GRID1: variants seen among roughly 807,000 people sequenced by gnomAD.
The protein encoded by GRID1 is glutamate receptor ionotropic, delta-1.
In GRID1, 28 loss-of-function variants were observed where a neutral mutation model predicts 98.0. That is an observed-to-expected ratio of 0.29 (90% CI 0.21 to 0.39). The LOEUF (loss-of-function observed/expected upper bound fraction) is 0.39, where lower values mean the gene tolerates loss of function less well. Ranked by LOEUF, GRID1 falls within the 10% of genes least tolerant of loss-of-function variation. GRID1 has a pLI of 1.00. For synonymous variants in GRID1, 553 were observed against 538.5 expected, an observed-to-expected ratio of 1.03 and a Z score of -0.37; for missense variants, 1,111 against 1,340.5, an observed-to-expected ratio of 0.83 and a Z score of 2.67.
intron 14 of GRID1, among the ~76,000 whole-genome samples, chr10:85,614,437 A>G (rs1007342126): frequency 6.6e-6 from 1 of 152,218 alleles, no homozygotes; most frequent in African/African-American, 2.4e-5. Context: ...AATAGTGTTG[A>G]ATCCTCATTT....
At chr10:85,698,853 G>A (rs1841421971) in intron 12 of GRID1, among the ~76,000 whole-genome samples, 1 of 152,184 alleles carries the variant, frequency 6.6e-6, no homozygotes, top group Admixed American at 6.5e-5. Flanking sequence ...TAATAGGTGT[G>A]TAGTGGTATT....
chr10:86,154,284 C>G (rs775137160), intron 3 of GRID1, among the ~76,000 whole-genome samples: 2 of 152,172 alleles, frequency 1.3e-5, no homozygotes, highest in Non-Finnish European at 2.9e-5. Context: ...CCCACTCTCT[C>G]CCCTTCATTT....
rs551023065 is a variant in GRID1 at position 85,722,775 on chromosome 10, A to G, written c.1997+228T>C. Among the ~76,000 whole-genome samples the G allele has an allele frequency of 8.5e-5, 13 of 152,332 alleles. No individual in the cohort carries two copies. In the East Asian group the frequency reaches 2.5e-3, roughly 29 times the overall value. ...TTGATTTCTTAGCTTTGTAGCCAGC[A>G]TTAAATTTTCAGGAAATATTATTTA... On this transcript the variant is annotated intron_variant, in intron 12 of 15. Transcript: ENST00000327946.
intron 2 of GRID1, among the ~76,000 whole-genome samples, chr10:86,268,444 T>G (rs566815927): frequency 6.6e-6 from 1 of 152,220 alleles, no homozygotes; most frequent in Non-Finnish European, 1.5e-5. Context: ...ACATGCAGCC[T>G]GAGCAAGGAA....
At chr10:86,036,479 A>T (rs1312170244) in intron 4 of GRID1, among the ~76,000 whole-genome samples, 1 of 152,192 alleles carries the variant, frequency 6.6e-6, no homozygotes, top group East Asian at 1.9e-4. Context: ...CACTGTGACC[A>T]CATCGCCGTT....
rs561521655 is a variant in GRID1, at chr10:86,366,005, A to G, written c.79+309T>C. ...GCAGAAGGGCCCTCCCGACCCGCCG[A>G]CGGCCCCGCTAAGGGCGCGGGTCTC... On this transcript the variant is annotated intron_variant, in intron 1 of 15. Transcript: ENST00000327946. This position sits in a 1 kb window ranked among gnomAD's most constrained non-coding sequence, Gnocchi z 4.1. Among the ~76,000 whole-genome samples the G allele has an allele frequency of 1.3e-5, 2 of 151,570 alleles. No individual in the cohort carries two copies.
At chr10:85,977,113 G>C (rs1173095239) in intron 4 of GRID1, among the ~76,000 whole-genome samples, 1 of 152,212 alleles carries the variant, frequency 6.6e-6, no homozygotes. Flanking sequence ...TGATGCATTT[G>C]ATTTGGAGTT....
At chr10:85,901,377 G>A (rs1018171135) in intron 5 of GRID1, among the ~76,000 whole-genome samples, 1 of 152,042 alleles carries the variant, frequency 6.6e-6, no homozygotes, top group East Asian at 1.9e-4. Flanking sequence ...CTCCCGAGTA[G>A]CTGGGACTAC....
chr10:85,771,679 T>C (rs1842269488), intron 8 of GRID1, among the ~76,000 whole-genome samples: 1 of 152,164 alleles, frequency 6.6e-6, no homozygotes, highest in Non-Finnish European at 1.5e-5. Flanking sequence ...AATCCTAGTC[T>C]CTGATAAACA....
intron 4 of GRID1, among the ~76,000 whole-genome samples, chr10:85,925,142 T>C (rs1841757631): frequency 6.6e-6 from 1 of 152,162 alleles, no homozygotes; most frequent in Non-Finnish European, 1.5e-5. Flanking sequence ...GGCCAATGGA[T>C]ACTTGGATTT....
chr10:86,121,698 C>T (rs1186218459), intron 4 of GRID1, among the ~76,000 whole-genome samples: 1 of 151,888 alleles, frequency 6.6e-6, no homozygotes, highest in Non-Finnish European at 1.5e-5. Flanking sequence ...TTAGAATGTA[C>T]AAGGAACTAT....
chr10:85,792,156 C>G (rs1842486494), intron 8 of GRID1, among the ~76,000 whole-genome samples: 1 of 152,142 alleles, frequency 6.6e-6, no homozygotes, highest in African/African-American at 2.4e-5. Context: ...CTCAGCCTCC[C>G]TGAAACCATC....
At chr10:86,250,603 G>A (rs1385871437) in intron 2 of GRID1, among the ~76,000 whole-genome samples, 3 of 137,360 alleles carry the variant, frequency 2.2e-5, no homozygotes, top group Non-Finnish European at 5.0e-5. Flanking sequence ...TGGGAGGTGG[G>A]GGGCAGCCCC....
At chr10:85,956,196 G>A (rs1317724280) in intron 4 of GRID1, among the ~76,000 whole-genome samples, 4 of 152,162 alleles carry the variant, frequency 2.6e-5, no homozygotes, top group Non-Finnish European at 1.5e-5. Context: ...ATCATTTCCT[G>A]AGTCAGACTG....
intron 2 of GRID1, among the ~76,000 whole-genome samples, chr10:86,360,337 G>A (rs1052449652): frequency 2.0e-5 from 3 of 152,192 alleles, no homozygotes; most frequent in Non-Finnish European, 2.9e-5. Flanking sequence ...ATACAGTGGT[G>A]GGGGGAAGAC....
intron 8 of GRID1, among the ~76,000 whole-genome samples, chr10:85,732,204 T>G (rs1841834021): frequency 6.6e-6 from 1 of 152,160 alleles, no homozygotes; most frequent in South Asian, 2.1e-4. Context: ...TTAGCCCTGA[T>G]GTGTGTCCTG....
At chr10:85,684,332 T>C (rs1841244292) in intron 12 of GRID1, among the ~76,000 whole-genome samples, 1 of 152,202 alleles carries the variant, frequency 6.6e-6, no homozygotes, top group Non-Finnish European at 1.5e-5. Context: ...CCAGCCAAAC[T>C]TGCTTGTAAA....
chr10:85,938,278 T>G (rs181357397), intron 4 of GRID1, among the ~76,000 whole-genome samples: 121 of 152,290 alleles, frequency 7.9e-4, no homozygotes, highest in Non-Finnish European at 1.4e-3. Flanking sequence ...GAGGGAAAAG[T>G]TCAGCCACAG....
intron 12 of GRID1, among the ~76,000 whole-genome samples, chr10:85,670,442 T>G (rs1841072029): frequency 6.6e-6 from 1 of 152,186 alleles, no homozygotes. Context: ...GAAGGAACAC[T>G]GCTTTTCAAG....
Sources: gnomAD v4.1 joint callset for allele counts (sites outside exome capture counted in the v4.1 genomes callset) on GRCh38, gnomAD v4.1.1 for gene constraint, Gnocchi (gnomAD v3.1) non-coding constraint, MANE v1.5 for transcripts, NCBI Gene and HGNC (gene_info 2026-07-23, HGNC 2026-07-21) for gene names.